Variants in CUBN observed in about 807,000 individuals in gnomAD.
CUBN encodes 460 kDa receptor.
Under a neutral mutation model 405.3 loss-of-function variants are expected in CUBN, and 282 were observed. The ratio of observed to expected loss-of-function variants is 0.70; its 90% CI spans 0.63 to 0.77. The LOEUF is 0.77. CUBN is among the 30% of genes least tolerant of loss of function. CUBN has a pLI of 0.00. For synonymous variants in CUBN, 1,684 were observed against 1,617.0 expected (o/e 1.04, Z -0.99); for missense variants, 4,514 against 4,475.2 (o/e 1.01, Z -0.25).
intron 66 of CUBN, 132 bp downstream of exon 66, chr10:16,828,673 G>A (rs1221269934): frequency 2.7e-6 from 2 of 732,430 alleles, no homozygotes; most frequent in Non-Finnish European, 4.8e-6. Flanking sequence ...AGTTGAGATT[G>A]CGCGCACCAC....
chr10:17,057,890 A>T (rs1284718068), intron 22 of CUBN, among the ~76,000 whole-genome samples: 1 of 152,086 alleles, frequency 6.6e-6, no homozygotes, highest in African/African-American at 2.4e-5. Context: ...TGGGAGGCCA[A>T]TTTGGGCAGA....
Position 17,046,475 on chromosome 10 carries a change from C to T in CUBN, c.3330-381G>A, listed in dbSNP as rs139003735. ...CTGTATTTTACAGAGAATCTTTCAA[C>T]GTTTTCCTTCTGATTTGGAAATTTT... is the stretch of plus-strand genomic sequence containing the variant. On this transcript the variant is annotated intron_variant, in intron 23 of 66. Transcript: ENST00000377833. 6.7e-3 allele frequency among the ~76,000 whole-genome samples: 1,016 copies of T among 152,174 alleles called. 13 individuals carry two copies. The highest frequency in any genetic ancestry group is 0.023 in the African/African-American group (969 of 41,538).
rs577627525 is a variant in CUBN at position 17,086,388 on chromosome 10, A to G, written c.1948-629T>C. ...ATTCTTAGTGATCTAGAAGAAAATGAATATAAGCAAAGAAAACAGAAGAAG... is the reference window on the plus strand; with the variant it reads ...ATTCTTAGTGATCTAGAAGAAAATGGATATAAGCAAAGAAAACAGAAGAAG... On this transcript the variant is annotated intron_variant, in intron 15 of 66. Coordinates refer to ENST00000377833, the MANE Select transcript of CUBN (RefSeq NM_001081.4). Among the ~76,000 whole-genome samples the G allele has an allele frequency of 2.0e-5, 3 of 152,298 alleles. No individual in the cohort carries two copies. In the East Asian group the frequency reaches 5.8e-4, roughly 29 times the overall value.
rs1490075827 is a variant in CUBN at position 16,876,811 on chromosome 10, G to C, written c.9106+86C>G. ...TTAAATTCTCTGAATCTTCAAGTTA[G>C]TGCTGTATGAATCGCAGTGAAAACT... On this transcript the variant is annotated intron_variant, in intron 57 of 66. Coordinates refer to ENST00000377833, the MANE Select transcript of CUBN (RefSeq NM_001081.4). 5 of 1,125,772 alleles carry C rather than the reference G, an allele frequency of 4.4e-6. No homozygotes were observed. In the Admixed American group the frequency reaches 8.7e-5, roughly 20 times the overall value. The allele number at this position is 1,125,772 out of a possible 1,614,324, so 69.7% of individuals were successfully genotyped here. A position where few individuals can be genotyped will look rare whatever the true frequency, so the allele number is the denominator to read the frequency against.
intron 7 of CUBN, among the ~76,000 whole-genome samples, chr10:17,114,996 C>T (rs536789479): frequency 1.4e-4 from 21 of 152,288 alleles, no homozygotes; most frequent in African/African-American, 4.8e-4. Context: ...GTAATCGCAG[C>T]GCTTTGCGGG....
chr10:16,984,297 A>G lies in CUBN; in HGVS notation c.4351-18T>C, dbSNP rs764845439. ...CCATAGATCTAACATGGGATGTAGG[A>G]AAAAAGACTTTAAAAAATATTTTAA... On this transcript the variant is annotated intron_variant, in intron 29 of 66. Coordinates refer to ENST00000377833, the MANE Select transcript of CUBN (RefSeq NM_001081.4). 6.2e-7 allele frequency: 1 copy of G among 1,612,108 alleles called. No individual in the cohort carries two copies. Among genetic ancestry groups the G allele is most frequent in the Admixed American group, 1.7e-5 (1 of 60,014 alleles).
chr10:17,087,735 A>G (rs970088940), intron 15 of CUBN, among the ~76,000 whole-genome samples: 1 of 152,044 alleles, frequency 6.6e-6, no homozygotes. Flanking sequence ...TTGGCCTCCC[A>G]AAGTGCAGGG....
In CUBN at chr10:16,824,697, T is replaced by C; in HGVS notation, c.*278A>G. On this transcript the variant is annotated 3_prime_UTR_variant, in exon 67 of 67. Transcript: ENST00000377833. Reference sequence around the variant, plus strand: ...CACCACGCCTGGCTAATTATTATATTGTTAGAGAGATGAGGTTTCACCATG... The same window carrying C: ...CACCACGCCTGGCTAATTATTATATCGTTAGAGAGATGAGGTTTCACCATG... The C allele has an allele frequency of 2.7e-6, 1 of 373,320 alleles. No individual in the cohort carries two copies. The highest frequency in any genetic ancestry group is 2.1e-5 in the South Asian group (1 of 48,096). 23.1% of individuals were successfully genotyped at this position (373,320 alleles called of 1,614,324 possible).
chr10:17,100,763 G>A (rs1320545538), intron 13 of CUBN, among the ~76,000 whole-genome samples: 1 of 152,166 alleles, frequency 6.6e-6, no homozygotes, highest in African/African-American at 2.4e-5. Flanking sequence ...GCTCAGGTGT[G>A]GGCGGAGTAG....
At chr10:17,060,770 G>T (rs1835488804) in intron 22 of CUBN, among the ~76,000 whole-genome samples, 2 of 152,120 alleles carry the variant, frequency 1.3e-5, no homozygotes, top group Non-Finnish European at 1.5e-5. Flanking sequence ...CCAAATTATG[G>T]CTGGGTGCGG....
intron 25 of CUBN, among the ~76,000 whole-genome samples, chr10:17,044,432 G>A (rs928868266): frequency 1.3e-5 from 2 of 151,720 alleles, no homozygotes; most frequent in Non-Finnish European, 2.9e-5. Flanking sequence ...TTAAGCTGTG[G>A]ACATGTGCAG....
At chr10:17,032,218 G>A (rs956625036) in intron 27 of CUBN, among the ~76,000 whole-genome samples, 1 of 152,200 alleles carries the variant, frequency 6.6e-6, no homozygotes, top group South Asian at 2.1e-4. Flanking sequence ...CAGGAGCTGG[G>A]CTCTCTCCAG....
intron 51 of CUBN, among the ~76,000 whole-genome samples, chr10:16,903,653 T>C (rs893131773): frequency 4.0e-4 from 58 of 145,888 alleles, no homozygotes; most frequent in African/African-American, 1.4e-3. Context: ...TAATTATTAT[T>C]AATAATTATT....
At chr10:17,050,359 T>C (rs1835236565) in intron 22 of CUBN, among the ~76,000 whole-genome samples, 1 of 152,214 alleles carries the variant, frequency 6.6e-6, no homozygotes, top group Non-Finnish European at 1.5e-5. Flanking sequence ...CTTGGCTTTC[T>C]ACCTGTGCAG....
At chr10:17,047,357 A>T (rs1835160246) in intron 23 of CUBN, 57 bp downstream of exon 23, 2 of 1,379,584 alleles carry the variant, frequency 1.4e-6, no homozygotes, top group South Asian at 2.5e-5. Context: ...CCTAGGAAAG[A>T]TTATTAATGA....
At chr10:16,851,163 G>A (rs1369266879) in intron 60 of CUBN, 72 bp downstream of exon 60, 26 of 1,267,180 alleles carry the variant, frequency 2.1e-5, no homozygotes, top group East Asian at 2.3e-5. Flanking sequence ...TTCCTGTAAC[G>A]ATATAAACTG....
intron 16 of CUBN, 29 bp from the exon 17 acceptor site, chr10:17,084,490 A>G: frequency 6.3e-7 from 1 of 1,598,514 alleles, no homozygotes; most frequent in Non-Finnish European, 8.5e-7. Context: ...CGAACAGGTC[A>G]TGGCAATGGC....
chr10:17,045,290 C>A, intron 24 of CUBN, 102 bp from the exon 25 acceptor site: 1 of 1,083,068 alleles, frequency 9.2e-7, no homozygotes. Context: ...TCCTTTAAAT[C>A]AAATTGCACA....
Position 16,907,667 on chromosome 10 carries a change from T to C in CUBN, c.7546A>G (p.Ile2516Val). 6.2e-7 allele frequency: 1 copy of C among 1,612,172 alleles called. No homozygotes were observed. The highest frequency in any genetic ancestry group is 8.5e-7 in the Non-Finnish European group (1 of 1,179,884). The change falls in exon 49 of 67, where the codon ATT becomes GTT. Residue 2516 changes from isoleucine to valine, a missense_variant. Physicochemically the swap from Ile to Val is conservative, Grantham distance 29 (BLOSUM62 3). This residue lies in a region of CUBN where 1,613 missense variants were observed against 1,542.8 expected (regional missense o/e 1.05). Transcript: ENST00000377833. ...NNEHVIVFNG[I>V]RSNSPQLEKL... Reference sequence around the variant, plus strand: ...TCTAGCTGGGGTGAGTTACTTCTAATGCCATTGAATACCTGTTGGAAAAAG... The same window carrying C: ...TCTAGCTGGGGTGAGTTACTTCTAACGCCATTGAATACCTGTTGGAAAAAG...
Sources: allele counts gnomAD v4.1 joint callset (sites outside exome capture counted in the v4.1 genomes callset), GRCh38; gene constraint gnomAD v4.1.1; regional missense constraint gnomAD v4.1.1; transcripts MANE v1.5; gene names NCBI Gene and HGNC (gene_info 2026-07-23, HGNC 2026-07-21).